SINHCAF: variants seen among roughly 807,000 people sequenced by gnomAD.
SINHCAF encodes SIN3-HDAC complex-associated factor.
SINHCAF carries 3 observed loss-of-function variants against 25.8 expected under a neutral mutation model. That is an observed-to-expected ratio of 0.12 (90% CI 0.05 to 0.30). The LOEUF is 0.30. Among genes scored for constraint, SINHCAF ranks in the 10% least tolerant of loss-of-function variants. The probability of loss-of-function intolerance (pLI) is 1.00; values close to 1 mark genes in which losing one functional copy is unlikely to be tolerated. For missense variants in SINHCAF, 121 were observed against 262.3 expected, an observed-to-expected ratio of 0.46 and a Z score of 3.72; for synonymous variants, 70 against 85.5, an observed-to-expected ratio of 0.82 and a Z score of 1.00.
rs7133432 is a variant in SINHCAF at position 31,311,959 on chromosome 12, C to A, written c.-20-13735G>T. Reference sequence around the variant, plus strand: ...TGGCCTTTTGATTGGTCCTGGGTGCCCCTGATACTTTGTTTATGGTAGCCT... The same window carrying A: ...TGGCCTTTTGATTGGTCCTGGGTGCACCTGATACTTTGTTTATGGTAGCCT... On this transcript the variant is annotated intron_variant, in intron 1 of 5. Transcript: ENST00000337682. 4.3e-3 allele frequency: 2,835 copies of A among 661,420 alleles called. 69 individuals are homozygous for A. In the African/African-American group the frequency reaches 0.046, roughly 11 times the overall value. The allele number at this position is 661,420 out of a possible 1,614,324, so 41.0% of individuals were successfully genotyped here. A position where few individuals can be genotyped will look rare whatever the true frequency, so the allele number is the denominator to read the frequency against.
intron 1 of SINHCAF, among the ~76,000 whole-genome samples, chr12:31,317,143 G>T (rs978605994): frequency 6.6e-6 from 1 of 152,102 alleles, no homozygotes; most frequent in African/African-American, 2.4e-5. Flanking sequence ...GAAGAAAATT[G>T]AGAGCAATAG....
chr12:31,307,121 C>T (rs1171056940), intron 1 of SINHCAF, among the ~76,000 whole-genome samples: 27 of 152,166 alleles, frequency 1.8e-4, no homozygotes, highest in Admixed American at 1.8e-3. Flanking sequence ...GGTGCAGTGG[C>T]TCATGCCTAT....
rs143023895 is a variant in SINHCAF, at chr12:31,301,855, C to T, written c.-20-3631G>A. 2.0e-3 allele frequency among the ~76,000 whole-genome samples: 309 copies of T among 152,008 alleles called. 2 individuals are homozygous for T. Among genetic ancestry groups the T allele is most frequent in the African/African-American group, 6.7e-3 (280 of 41,484 alleles). ...TATATTTAACAAAGTACTGGGTGGG[C>T]GTGGCATAACTTGATTTTAAACTGG... is the stretch of plus-strand genomic sequence containing the variant. On this transcript the variant is annotated intron_variant, in intron 1 of 5. Coordinates refer to ENST00000337682, the MANE Select transcript of SINHCAF (RefSeq NM_001135812.2).
chr12:31,305,825 G>A (rs1225022174), intron 1 of SINHCAF, among the ~76,000 whole-genome samples: 1 of 151,158 alleles, frequency 6.6e-6, no homozygotes, highest in Non-Finnish European at 1.5e-5. Flanking sequence ...TCAGCCTCCT[G>A]AGTAGCTGGG....
chr12:31,287,725 T>G lies in SINHCAF; in HGVS notation c.415A>C (p.Asn139His). The G allele has an allele frequency of 6.2e-7, 1 of 1,611,854 alleles. No homozygotes were observed. The highest frequency in any genetic ancestry group is 8.5e-7 in the Non-Finnish European group (1 of 1,178,786). Residue 139 changes from asparagine to histidine, a missense_variant, in exon 5 of 6, where the codon AAC (asparagine) becomes CAC (histidine). Transcript: ENST00000337682. ...ASPAQSPCYS[N>H]QSDDGSDTEM... The stretch of plus-strand genomic sequence containing the variant: ...GTATCTGAGCCGTCATCTGACTGGT[T>G]ACTGTAACAAGGAGATTGAGCTGGG...
chr12:31,286,908 G>A (rs1565488900), intron 5 of SINHCAF, among the ~76,000 whole-genome samples: 1 of 152,026 alleles, frequency 6.6e-6, no homozygotes, highest in African/African-American at 2.4e-5. Context: ...TGCCTATTGT[G>A]GTTTGTTTGT....
At chr12:31,290,349 C>T (rs79667879) in intron 4 of SINHCAF, among the ~76,000 whole-genome samples, 1,743 of 152,178 alleles carry the variant, frequency 0.011, 17 homozygotes, top group East Asian at 0.037. Flanking sequence ...GCCATGTTTG[C>T]CAGGCTGGTC....
intron 5 of SINHCAF, among the ~76,000 whole-genome samples, chr12:31,284,702 C>T (rs1937961158): frequency 6.6e-6 from 1 of 152,172 alleles, no homozygotes; most frequent in South Asian, 2.1e-4. Flanking sequence ...ACTTATTGAA[C>T]AGACCATTTT....
chr12:31,325,111 G>A lies in SINHCAF; in HGVS notation c.-21+913C>T. ...TGACTCCCGCGGCGTACACAACGCC[G>A]CCGCCTCCATCTCCAGCCAAGTTGG... On this transcript the variant is annotated intron_variant, in intron 1 of 5. Coordinates refer to ENST00000337682, the MANE Select transcript of SINHCAF (RefSeq NM_001135812.2). The surrounding 1 kb of genome is among the most constrained non-coding windows in gnomAD (Gnocchi z 5.9). 2.2e-6 allele frequency: 1 copy of A among 456,738 alleles called. No homozygotes were observed. Among genetic ancestry groups the A allele is most frequent in the Non-Finnish European group, 4.4e-6 (1 of 226,954 alleles). 28.3% of individuals were successfully genotyped at this position (456,738 alleles called of 1,614,324 possible).
chr12:31,307,048 A>T (rs1341368803), intron 1 of SINHCAF, among the ~76,000 whole-genome samples: 1 of 152,138 alleles, frequency 6.6e-6, no homozygotes, highest in Non-Finnish European at 1.5e-5. Flanking sequence ...CCTTGGGGTA[A>T]AAAGTTGGGT....
chr12:31,325,102 C>G lies in SINHCAF; in HGVS notation c.-21+922G>C, dbSNP rs77154299. 3,987 of 456,726 alleles carry G rather than the reference C, an allele frequency of 8.7e-3. 54 individuals are homozygous for G. The highest frequency in any genetic ancestry group is 0.036 in the East Asian group (520 of 14,384). 28.3% of individuals were successfully genotyped at this position (456,726 alleles called of 1,614,324 possible). The stretch of plus-strand genomic sequence containing the variant: ...GGAGTTCACTGACTCCCGCGGCGTA[C>G]ACAACGCCGCCGCCTCCATCTCCAG... On this transcript the variant is annotated intron_variant, in intron 1 of 5. Transcript: ENST00000337682. The surrounding 1 kb of genome is among the most constrained non-coding windows in gnomAD (Gnocchi z 5.9).
chr12:31,294,306 C>T (rs150474402), intron 3 of SINHCAF, among the ~76,000 whole-genome samples: 1 of 152,022 alleles, frequency 6.6e-6, no homozygotes, highest in East Asian at 1.9e-4. Context: ...ATATTTAGTA[C>T]AAAGCAAAAA....
At position 31,281,372 on chromosome 12, in the gene SINHCAF, G is replaced by A. The variant is rs1322263706; in HGVS notation, c.*1340C>T. 3 of 152,122 alleles carry A rather than the reference G, an allele frequency of 2.0e-5. No individual in the cohort carries two copies. Among genetic ancestry groups the A allele is most frequent in the African/African-American group, 4.8e-5 (2 of 41,432 alleles). 9.4% of individuals were successfully genotyped at this position (152,122 alleles called of 1,614,324 possible). ...GTGAACACAAACCTCTTTTCTTTTA[G>A]TAAGTTTTACTTTTAATACAGAGTG... is the stretch of plus-strand genomic sequence containing the variant. On this transcript the variant is annotated 3_prime_UTR_variant, in exon 6 of 6. Coordinates refer to ENST00000337682, the MANE Select transcript of SINHCAF (RefSeq NM_001135812.2).
Position 31,315,548 on chromosome 12 carries a change from G to A in SINHCAF, c.-21+10476C>T, listed in dbSNP as rs139985800. Among the ~76,000 whole-genome samples the A allele has an allele frequency of 1.2e-4, 18 of 152,226 alleles. No homozygotes were observed. The East Asian group carries it at 3.5e-3, about 29-fold the overall frequency. ...TGCTGTCTGAAGTTTCTTCAAATAG[G>A]ACAAACATTTTGAGAAGTTCCTCAG... On this transcript the variant is annotated intron_variant, in intron 1 of 5. Coordinates refer to ENST00000337682, the MANE Select transcript of SINHCAF (RefSeq NM_001135812.2).
intron 2 of SINHCAF, among the ~76,000 whole-genome samples, chr12:31,295,628 G>GA (rs1938516528): frequency 6.6e-6 from 1 of 152,202 alleles, no homozygotes; most frequent in African/African-American, 2.4e-5. Flanking sequence ...CCAGCACTTT[G>GA]AGAGTCTGAG....
chr12:31,309,148 AAAG>A (rs1939155828), intron 1 of SINHCAF, among the ~76,000 whole-genome samples: 2 of 150,880 alleles, frequency 1.3e-5, no homozygotes, highest in East Asian at 3.9e-4. Context: ...AAAAAAAAAA[AAAG>A]AACACTATCA....
At chr12:31,322,845 G>A (rs1479658808) in intron 1 of SINHCAF, among the ~76,000 whole-genome samples, 2 of 152,180 alleles carry the variant, frequency 1.3e-5, no homozygotes, top group African/African-American at 2.4e-5. Flanking sequence ...GTGGGTATCG[G>A]ATGTCTAGAC....
In SINHCAF at chr12:31,281,999, A is replaced by G. The variant is rs1937822441; in HGVS notation, c.*713T>C. Reference sequence around the variant, plus strand: ...ACCTTAATATTTCAAAATTATTAACAACTACCTCTAGGGGCAAGTTCATGT... The same window carrying G: ...ACCTTAATATTTCAAAATTATTAACGACTACCTCTAGGGGCAAGTTCATGT... On this transcript the variant is annotated 3_prime_UTR_variant, in exon 6 of 6. Coordinates refer to ENST00000337682, the MANE Select transcript of SINHCAF (RefSeq NM_001135812.2). The G allele has an allele frequency of 3.3e-5, 5 of 152,688 alleles. No individual in the cohort carries two copies. In the Middle Eastern group the frequency reaches 0.01, roughly 312 times the overall value. 9.5% of individuals were successfully genotyped at this position (152,688 alleles called of 1,614,324 possible).
intron 5 of SINHCAF, among the ~76,000 whole-genome samples, chr12:31,286,459 C>T (rs570804549): frequency 5.9e-5 from 9 of 152,058 alleles, no homozygotes; most frequent in African/African-American, 2.2e-4. Context: ...GTCAGGAGTT[C>T]GAGACCAGCC....
Sources: gnomAD v4.1 joint callset for allele counts (sites outside exome capture counted in the v4.1 genomes callset) on GRCh38, gnomAD v4.1.1 for gene constraint, Gnocchi (gnomAD v3.1) non-coding constraint, MANE v1.5 for transcripts, NCBI Gene and HGNC (gene_info 2026-07-23, HGNC 2026-07-21) for gene names.